Variants in PVT1 observed in about 807,000 individuals in gnomAD.
PVT1 encodes CXCR4/PVT1 fusion.
At chr8:127,903,592 A>AT (rs1815785227) in intron 3 of PVT1, among the ~76,000 whole-genome samples, 1 of 152,054 alleles carries the variant, frequency 6.6e-6, no homozygotes, top group Admixed American at 6.5e-5. Context: ...ATGTTGAGTT[A>AT]TTTTTTGTGT....
At chr8:128,031,628 A>G (rs1813390131) in intron 4 of PVT1, among the ~76,000 whole-genome samples, 2 of 152,238 alleles carry the variant, frequency 1.3e-5, no homozygotes, top group South Asian at 4.1e-4. Flanking sequence ...TGTGCATCTG[A>G]TAATGATAAC....
intron 3 of PVT1, among the ~76,000 whole-genome samples, chr8:127,899,789 G>A (rs980071355): frequency 2.0e-5 from 3 of 152,180 alleles, no homozygotes; most frequent in Admixed American, 6.5e-5. Context: ...TGCTGTGTGT[G>A]CCTGGAGCTC....
chr8:127,860,365 G>A (rs566607594), intron 2 of PVT1, among the ~76,000 whole-genome samples: 1 of 152,332 alleles, frequency 6.6e-6, no homozygotes, highest in East Asian at 1.9e-4. Flanking sequence ...TGAGCACTCC[G>A]GAGAGGAGCC....
intron 3 of PVT1, among the ~76,000 whole-genome samples, chr8:127,919,767 G>T (rs1386005285): frequency 6.6e-6 from 1 of 152,186 alleles, no homozygotes. Flanking sequence ...ACTCGGGGAA[G>T]GTCAGAAGTG....
intron 2 of PVT1, among the ~76,000 whole-genome samples, chr8:127,852,882 A>G (rs577529117): frequency 1.3e-5 from 2 of 152,342 alleles, no homozygotes; most frequent in African/African-American, 2.4e-5. Context: ...CTTGGTCCTC[A>G]CTGCCTCTGT....
At chr8:127,924,850 G>A (rs183741463) in intron 3 of PVT1, among the ~76,000 whole-genome samples, 4 of 152,080 alleles carry the variant, frequency 2.6e-5, no homozygotes, top group East Asian at 1.9e-4. Context: ...GTTTTGCCAC[G>A]TTGCCCAGAC....
At chr8:128,096,188 T>C (rs1239750930) in intron 5 of PVT1, among the ~76,000 whole-genome samples, 2 of 152,236 alleles carry the variant, frequency 1.3e-5, no homozygotes, top group Non-Finnish European at 1.5e-5. Context: ...AAGATTCTGA[T>C]TTACTTTTCC....
intron 4 of PVT1, among the ~76,000 whole-genome samples, chr8:128,035,287 G>A (rs183813397): frequency 4.6e-5 from 7 of 152,262 alleles, no homozygotes; most frequent in Admixed American, 6.5e-5. Flanking sequence ...ACAGGGTTAG[G>A]AAAACAAACA....
At chr8:127,812,790 G>A (rs1814613366) in intron 2 of PVT1, among the ~76,000 whole-genome samples, 1 of 152,128 alleles carries the variant, frequency 6.6e-6, no homozygotes, top group South Asian at 2.1e-4. Flanking sequence ...ATTTTGTGCA[G>A]CATTTCCCGT....
rs1403061270 is a variant in PVT1 at position 127,937,574 on chromosome 8, C to CAGAGAGAGAG, written n.782+46577_782+46578insGAGAGAGAGA. Among the ~76,000 whole-genome samples the CAGAGAGAGAG allele has an allele frequency of 5.3e-3, 505 of 96,148 alleles. 1 individual carries two copies. Among genetic ancestry groups the CAGAGAGAGAG allele is most frequent in the African/African-American group, 0.013 (397 of 29,932 alleles). The allele number at this position is 96,148 out of a possible 152,430, so 63.1% of individuals were successfully genotyped here. A position where few individuals can be genotyped will look rare whatever the true frequency, so the allele number is the denominator to read the frequency against. Reference sequence around the variant, plus strand: ...ACACACACACACACACACACACACACACACACAGAGAGAGAGAGAGAGAGA... The same window carrying CAGAGAGAGAG: ...ACACACACACACACACACACACACACAGAGAGAGAGACACACAGAGAGAGAGAGAGAGAGA... On this transcript the variant is annotated intron_variant and non_coding_transcript_variant, in intron 3 of 10. Transcript: ENST00000651587.
intron 2 of PVT1, among the ~76,000 whole-genome samples, chr8:127,860,884 AG>A (rs1815219759): frequency 6.6e-6 from 1 of 151,952 alleles, no homozygotes; most frequent in Non-Finnish European, 1.5e-5. Context: ...GACCTTCTCA[AG>A]GGCAAGGGGC....
chr8:127,932,033 C>G (rs1816211984), intron 3 of PVT1, among the ~76,000 whole-genome samples: 1 of 152,230 alleles, frequency 6.6e-6, no homozygotes, highest in Non-Finnish European at 1.5e-5. Context: ...CTCAGGCTTC[C>G]TCTGTTGAAT....
chr8:128,017,258 C>G (rs1437989227), intron 4 of PVT1, among the ~76,000 whole-genome samples: 4 of 152,074 alleles, frequency 2.6e-5, no homozygotes. Context: ...AACTTTGCCT[C>G]TGAATGTCTC....
intron 4 of PVT1, chr8:128,049,334 C>A (rs889864003): frequency 2.7e-6 from 1 of 374,580 alleles, no homozygotes. Context: ...GGAAGGAAGG[C>A]GGGAGTGTGA....
At chr8:128,015,029 A>T (rs546472028) in intron 4 of PVT1, among the ~76,000 whole-genome samples, 9 of 152,046 alleles carry the variant, frequency 5.9e-5, no homozygotes, top group African/African-American at 1.7e-4. Flanking sequence ...CAGTTTCCTC[A>T]CCTAAGAGAA....
intron 2 of PVT1, among the ~76,000 whole-genome samples, chr8:127,879,803 C>T (rs771028882): frequency 1.1e-4 from 16 of 152,206 alleles, no homozygotes; most frequent in Non-Finnish European, 1.9e-4. Flanking sequence ...CCACCTTCGA[C>T]GGACAATGCG....
chr8:127,848,317 T>C (rs1425721800), intron 2 of PVT1, among the ~76,000 whole-genome samples: 1 of 152,132 alleles, frequency 6.6e-6, no homozygotes, highest in Non-Finnish European at 1.5e-5. Context: ...CTGGGGAGGC[T>C]GAGGCAGGGG....
intron 4 of PVT1, among the ~76,000 whole-genome samples, chr8:128,023,588 T>A (rs1817462218): frequency 6.6e-6 from 1 of 152,164 alleles, no homozygotes; most frequent in South Asian, 2.1e-4. Context: ...ATCAACTACT[T>A]TTGGAATGAC....
At chr8:127,853,703 C>T (rs1815129813) in intron 2 of PVT1, among the ~76,000 whole-genome samples, 1 of 151,978 alleles carries the variant, frequency 6.6e-6, no homozygotes, top group South Asian at 2.1e-4. Flanking sequence ...ATCGCTCCAA[C>T]CTGGGAGGCA....
Sources: gnomAD v4.1 joint callset for allele counts (sites outside exome capture counted in the v4.1 genomes callset) on GRCh38, gnomAD v4.1.1 for gene constraint, MANE v1.5 for transcripts, NCBI Gene and HGNC (gene_info 2026-07-23, HGNC 2026-07-21) for gene names.